Variants in ZNF385B observed in about 807,000 individuals in gnomAD.
ZNF385B encodes zinc finger protein 533.
Under a neutral mutation model 39.2 loss-of-function variants are expected in ZNF385B, and 23 were observed. The ratio of observed to expected loss-of-function variants is 0.59; its 90% confidence interval spans 0.42 to 0.83. The LOEUF is 0.83. ZNF385B is among the 40% of genes least tolerant of loss of function. The pLI is 0.00. For missense variants in ZNF385B, 552 were observed against 598.9 expected, an observed-to-expected ratio of 0.92 and a Z score of 0.82; for synonymous variants, 205 against 222.6, an observed-to-expected ratio of 0.92 and a Z score of 0.70.
At chr2:179,661,601 C>G (rs1395589928) in intron 3 of ZNF385B, among the ~76,000 whole-genome samples, 1 of 152,178 alleles carries the variant, frequency 6.6e-6, no homozygotes, top group Non-Finnish European at 1.5e-5. Flanking sequence ...CTTTGAGAAC[C>G]ATTGCTCTAC....
intron 5 of ZNF385B, among the ~76,000 whole-genome samples, chr2:179,490,593 G>C (rs930138233): frequency 6.7e-6 from 1 of 149,644 alleles, no homozygotes; most frequent in African/African-American, 2.5e-5. Context: ...GCTGCAGTTT[G>C]AGTTAAAAAT....
intron 1 of ZNF385B, among the ~76,000 whole-genome samples, chr2:179,791,859 TG>T (rs375989714): frequency 2.6e-5 from 4 of 152,072 alleles, no homozygotes; most frequent in African/African-American, 9.7e-5. Context: ...GAGGTTCAAA[TG>T]ATTCTCCTGC....
intron 1 of ZNF385B, among the ~76,000 whole-genome samples, chr2:179,850,127 G>T (rs1709002295): frequency 6.6e-6 from 1 of 152,026 alleles, no homozygotes; most frequent in Non-Finnish European, 1.5e-5. Context: ...ATAAAAAGCT[G>T]GGGGGGAAAG....
At chr2:179,490,641 A>C (rs2055121992) in intron 5 of ZNF385B, among the ~76,000 whole-genome samples, 1 of 152,202 alleles carries the variant, frequency 6.6e-6, no homozygotes, top group Non-Finnish European at 1.5e-5. Context: ...GTGCTTTTAA[A>C]AAATAAAATC....
chr2:179,845,870 C>T (rs940952303), intron 1 of ZNF385B, among the ~76,000 whole-genome samples: 3 of 152,168 alleles, frequency 2.0e-5, no homozygotes, highest in Non-Finnish European at 2.9e-5. Context: ...TCACTATTGT[C>T]CATCCCATTT....
intron 1 of ZNF385B, among the ~76,000 whole-genome samples, chr2:179,774,647 G>A (rs912246606): frequency 1.3e-5 from 2 of 152,164 alleles, no homozygotes; most frequent in Admixed American, 6.5e-5. Context: ...GTGAGCCACC[G>A]CACCCGGCCA....
At chr2:179,534,102 C>G (rs1405501480) in intron 4 of ZNF385B, among the ~76,000 whole-genome samples, 2 of 152,144 alleles carry the variant, frequency 1.3e-5, no homozygotes, top group East Asian at 3.9e-4. Flanking sequence ...TATGCTCTAG[C>G]ATTATCTCAT....
intron 3 of ZNF385B, 49 bp from the exon 4 acceptor site, chr2:179,545,018 C>T: frequency 6.2e-7 from 1 of 1,611,884 alleles, no homozygotes. Context: ...TCACATCCAT[C>T]TCCCTCCCAA....
chr2:179,703,138 C>A (rs767837592), intron 3 of ZNF385B, among the ~76,000 whole-genome samples: 133 of 152,358 alleles, frequency 8.7e-4, no homozygotes, highest in African/African-American at 1.9e-3. Context: ...AATGCTATAG[C>A]CATCTGGCTT....
chr2:179,505,747 T>A (rs2057193863), intron 5 of ZNF385B, among the ~76,000 whole-genome samples: 1 of 152,096 alleles, frequency 6.6e-6, no homozygotes, highest in South Asian at 2.1e-4. Context: ...ATAACAAATG[T>A]CACTGGTATA....
At chr2:179,673,428 T>C (rs1045645472) in intron 3 of ZNF385B, among the ~76,000 whole-genome samples, 8 of 152,154 alleles carry the variant, frequency 5.3e-5, no homozygotes, top group South Asian at 2.1e-4. Context: ...TATGAAATAA[T>C]TGAAGAATTA....
At chr2:179,688,437 C>T (rs1363424940) in intron 3 of ZNF385B, among the ~76,000 whole-genome samples, 7 of 152,030 alleles carry the variant, frequency 4.6e-5, no homozygotes. Context: ...AGTTCAAGAC[C>T]AGCCTGGGCA....
intron 6 of ZNF385B, among the ~76,000 whole-genome samples, chr2:179,451,745 A>C (rs1045336724): frequency 3.3e-4 from 51 of 152,260 alleles, no homozygotes; most frequent in African/African-American, 1.2e-3. Context: ...TATATATTTG[A>C]ATAGTGGCAT....
At chr2:179,676,714 G>C (rs2106316838) in intron 3 of ZNF385B, among the ~76,000 whole-genome samples, 1 of 152,304 alleles carries the variant, frequency 6.6e-6, no homozygotes, top group African/African-American at 2.4e-5. Flanking sequence ...GGACGGATTA[G>C]AGTGGAAAGT....
chr2:179,622,369 T>A (rs1690290012), intron 3 of ZNF385B, among the ~76,000 whole-genome samples: 1 of 152,180 alleles, frequency 6.6e-6, no homozygotes, highest in South Asian at 2.1e-4. Context: ...GGATTTATCT[T>A]CAAGGATAAT....
chr2:179,490,046 T>C (rs1272156723), intron 5 of ZNF385B, among the ~76,000 whole-genome samples: 1 of 152,262 alleles, frequency 6.6e-6, no homozygotes, highest in Non-Finnish European at 1.5e-5. Context: ...TAGTATCTTC[T>C]GGATTGTGCC....
At chr2:179,619,542 C>A (rs530949494) in intron 3 of ZNF385B, among the ~76,000 whole-genome samples, 1 of 152,292 alleles carries the variant, frequency 6.6e-6, no homozygotes, top group African/African-American at 2.4e-5. Flanking sequence ...TAGGGTTCCA[C>A]ACAGCAGAGC....
chr2:179,482,101 C>G (rs868299907), intron 6 of ZNF385B, among the ~76,000 whole-genome samples: 1 of 152,190 alleles, frequency 6.6e-6, no homozygotes, highest in Non-Finnish European at 1.5e-5. Context: ...CTCAATCCTT[C>G]TACGCTGAAG....
intron 6 of ZNF385B, among the ~76,000 whole-genome samples, chr2:179,453,315 G>T (rs932644115): frequency 1.2e-4 from 19 of 152,120 alleles, no homozygotes; most frequent in Non-Finnish European, 2.9e-5. Flanking sequence ...TAGTATTACA[G>T]CATGTTAGAG....
Sources: allele counts gnomAD v4.1 joint callset (sites outside exome capture counted in the v4.1 genomes callset), GRCh38; gene constraint gnomAD v4.1.1; transcripts MANE v1.5; gene names NCBI Gene and HGNC (gene_info 2026-07-23, HGNC 2026-07-21).